LPL: variants seen among roughly 807,000 people sequenced by gnomAD.
LPL encodes the protein lipoprotein lipase.
LPL carries 43 observed loss-of-function variants against 52.2 expected under a neutral mutation model. That is an observed-to-expected ratio of 0.82 (90% CI 0.64 to 1.06). The LOEUF (loss-of-function observed/expected upper bound fraction) is 1.06, where lower values mean the gene tolerates loss of function less well. Ranked by LOEUF, LPL falls within the 50% of genes least tolerant of loss-of-function variation. The pLI is 0.00. For missense variants in LPL, 639 were observed against 585.3 expected (o/e 1.09, Z -0.95); for synonymous variants, 244 against 215.6 (o/e 1.13, Z -1.15).
intron 9 of LPL, among the ~76,000 whole-genome samples, chr8:19,964,591 G>A (rs561323673): frequency 5.3e-5 from 8 of 152,082 alleles, no homozygotes; most frequent in East Asian, 1.9e-4. Flanking sequence ...ATGTGGTGGC[G>A]TGATCTCGGC....
Position 19,967,056 on chromosome 8 carries a change from G to A in LPL, c.*1746G>A, listed in dbSNP as rs924060254. ...ATACATGTGTGGATGTGTAAATGGA[G>A]CTTGTACATATTGGAAAGGTCATTG... On this transcript the variant is annotated 3_prime_UTR_variant, in exon 10 of 10. Transcript: ENST00000650287. 1.3e-5 allele frequency: 2 copies of A among 152,594 alleles called. No homozygotes were observed. Among genetic ancestry groups the A allele is most frequent in the Admixed American group, 1.3e-4 (2 of 15,278 alleles). 9.5% of individuals were successfully genotyped at this position (152,594 alleles called of 1,614,324 possible). A position where few individuals can be genotyped will look rare whatever the true frequency, so the allele number is the denominator to read the frequency against.
At chr8:19,940,222 C>T (rs924902169) in intron 1 of LPL, among the ~76,000 whole-genome samples, 2 of 152,352 alleles carry the variant, frequency 1.3e-5, no homozygotes, top group South Asian at 2.1e-4. Flanking sequence ...GCTCGCATGC[C>T]CCTCTTTTCT....
At position 19,939,273 on chromosome 8, in the gene LPL, TTCC is replaced by T. The variant is rs1028935900; in HGVS notation, c.-159_-157del. ...ACAGTGTCAGACTCGATTCCCCCTC[TTCC>T]TCCTCCTCAAGGGAAAGCTGCCCAC... is the stretch of plus-strand genomic sequence containing the variant. On this transcript the variant is annotated 5_prime_UTR_variant, in exon 1 of 10. Transcript: ENST00000650287. The surrounding 1 kb of genome is among the most constrained non-coding windows in gnomAD (Gnocchi z 4.0). 3 of 627,538 alleles carry T rather than the reference TTCC, an allele frequency of 4.8e-6. No homozygotes were observed. Among genetic ancestry groups the T allele is most frequent in the Admixed American group, 2.6e-5 (1 of 38,276 alleles). 38.9% of individuals were successfully genotyped at this position (627,538 alleles called of 1,614,324 possible).
chr8:19,944,526 C>T lies in LPL; in HGVS notation c.89-3654C>T, dbSNP rs1590137129. ...AAGAGAATTGCATTCTCATTGAGTT[C>T]TTGTACCTCATGTCATTGCATAAAT... On this transcript the variant is annotated intron_variant, in intron 1 of 9. Coordinates refer to ENST00000650287, the MANE Select transcript of LPL (RefSeq NM_000237.3). This position sits in a 1 kb window ranked among gnomAD's most constrained non-coding sequence, Gnocchi z 4.2. Among the ~76,000 whole-genome samples the T allele has an allele frequency of 6.6e-6, 1 of 152,122 alleles. No individual in the cohort carries two copies. The highest frequency in any genetic ancestry group is 6.5e-5 in the Admixed American group (1 of 15,280).
At position 19,944,748 on chromosome 8, in the gene LPL, C is replaced by A. The variant is rs890083122; in HGVS notation, c.89-3432C>A. Among the ~76,000 whole-genome samples, 2 of 152,126 alleles carry A rather than the reference C, an allele frequency of 1.3e-5. No homozygotes were observed. Among genetic ancestry groups the A allele is most frequent in the African/African-American group, 2.4e-5 (1 of 41,414 alleles). On this transcript the variant is annotated intron_variant, in intron 1 of 9. Coordinates refer to ENST00000650287, the MANE Select transcript of LPL (RefSeq NM_000237.3). This position sits in a 1 kb window ranked among gnomAD's most constrained non-coding sequence, Gnocchi z 4.2. Reference sequence around the variant, plus strand: ...GTTATTATCTATGTTAGAATAAATTCTTTGTCTTTGTTTACACACTCAGAT... The same window carrying A: ...GTTATTATCTATGTTAGAATAAATTATTTGTCTTTGTTTACACACTCAGAT...
In LPL at chr8:19,956,037, A is replaced by C. The variant is rs2069982466; in HGVS notation, c.972A>C (p.Arg324Ser). 5 of 1,614,202 alleles carry C rather than the reference A, an allele frequency of 3.1e-6. No individual in the cohort carries two copies. The highest frequency in any genetic ancestry group is 4.2e-6 in the Non-Finnish European group (5 of 1,180,026). Residue 324 changes from arginine (R) to serine (S), a missense_variant, in exon 6 of 10, where the codon AGA (arginine) becomes AGC (serine). Arg to Ser is a moderately radical substitution (Grantham distance 110). Transcript: ENST00000650287. Reference sequence around the variant, plus strand: ...AGATCAATAAAGTCAGAGCCAAAAGAAGCAGCAAAATGTACCTGAAGACTC... The same window carrying C: ...AGATCAATAAAGTCAGAGCCAAAAGCAGCAGCAAAATGTACCTGAAGACTC... The part of the protein sequence containing the change: ...GYEINKVRAK[R>S]SSKMYLKTRS...
chr8:19,945,910 G>A (rs1013307762), intron 1 of LPL, among the ~76,000 whole-genome samples: 5 of 152,224 alleles, frequency 3.3e-5, no homozygotes, highest in Non-Finnish European at 7.3e-5. Flanking sequence ...CTGTGGAGAG[G>A]AGGTATGAGC....
rs1563571409 is a variant in LPL, at chr8:19,950,568, G to C, written c.250-1201G>C. ...TGATCCCAGCACTCTGGGAGGCCAA[G>C]GCAGGCAGATCACTGGAGGTCAGGA... On this transcript the variant is annotated intron_variant, in intron 2 of 9. Coordinates refer to ENST00000650287, the MANE Select transcript of LPL (RefSeq NM_000237.3). The surrounding 1 kb of genome is among the most constrained non-coding windows in gnomAD (Gnocchi z 4.2). Among the ~76,000 whole-genome samples the C allele has an allele frequency of 2.0e-5, 3 of 152,322 alleles. No individual in the cohort carries two copies. In the South Asian group the frequency reaches 6.2e-4, roughly 32 times the overall value.
At chr8:19,956,690 T>G (rs1407740158) in intron 6 of LPL, among the ~76,000 whole-genome samples, 1 of 152,128 alleles carries the variant, frequency 6.6e-6, no homozygotes, top group African/African-American at 2.4e-5. Flanking sequence ...CCACACACAT[T>G]CATTACCATA....
chr8:19,940,733 T>G (rs2128835445), intron 1 of LPL, among the ~76,000 whole-genome samples: 1 of 152,356 alleles, frequency 6.6e-6, no homozygotes, highest in East Asian at 1.9e-4. Context: ...TCCATAGCTT[T>G]GATGGCCGCT....
At chr8:19,940,463 G>T (rs2128835397) in intron 1 of LPL, among the ~76,000 whole-genome samples, 1 of 152,316 alleles carries the variant, frequency 6.6e-6, no homozygotes, top group South Asian at 2.1e-4. Flanking sequence ...CCGCCGCCAG[G>T]GAACCGCCCG....
chr8:19,959,260 T>C lies in LPL; in HGVS notation c.1019T>C (p.Val340Ala), dbSNP rs756051524. 4 of 1,614,156 alleles carry C rather than the reference T, an allele frequency of 2.5e-6. No homozygotes were observed. Among genetic ancestry groups the C allele is most frequent in the African/African-American group, 1.3e-5 (1 of 75,044 alleles). ...LKTRSQMPYKVFHYQVKIHFS... is the reference protein window; with the variant it reads ...LKTRSQMPYKAFHYQVKIHFS... ...CATGTTCGAATTTCCTCCCCAACAGTCTTCCATTACCAAGTAAAGATTCAT... is the reference window on the plus strand; with the variant it reads ...CATGTTCGAATTTCCTCCCCAACAGCCTTCCATTACCAAGTAAAGATTCAT... The change falls in exon 7 of 10, where the codon GTC becomes GCC. Residue 340 changes from valine (V) to alanine (A), a missense_variant and splice_region_variant. By Grantham distance (64) the Val-to-Ala change is moderately conservative. Coordinates refer to ENST00000650287, the MANE Select transcript of LPL (RefSeq NM_000237.3).
At chr8:19,954,033 A>G in intron 4 of LPL, 87 bp from the exon 5 acceptor site, 1 of 889,912 alleles carries the variant, frequency 1.1e-6, no homozygotes, top group South Asian at 1.3e-5. Flanking sequence ...AATAGCTGCC[A>G]GTGCATTCAA....
chr8:19,948,173 T>G lies in LPL; in HGVS notation c.89-7T>G, dbSNP rs373040704. 6 of 1,614,098 alleles carry G rather than the reference T, an allele frequency of 3.7e-6. No homozygotes were observed. The highest frequency in any genetic ancestry group is 5.1e-6 in the Non-Finnish European group (6 of 1,179,940). Reference sequence around the variant, plus strand: ...AGTTAACCTCATATCCAATTTTTCCTTTCCAGAAAGAAGAGATTTTATCGA... The same window carrying G: ...AGTTAACCTCATATCCAATTTTTCCGTTCCAGAAAGAAGAGATTTTATCGA... On this transcript the variant is annotated splice_polypyrimidine_tract_variant and splice_region_variant and intron_variant, in intron 1 of 9. Coordinates refer to ENST00000650287, the MANE Select transcript of LPL (RefSeq NM_000237.3).
chr8:19,966,440 C>A lies in LPL; in HGVS notation c.*1130C>A, dbSNP rs527862302. ...CGCGTGCAATGAGCCAGATGGAGTA[C>A]CATGAGGGTTGCTATTTGTTGTTTT... On this transcript the variant is annotated 3_prime_UTR_variant, in exon 10 of 10. Coordinates refer to ENST00000650287, the MANE Select transcript of LPL (RefSeq NM_000237.3). 3.3e-5 allele frequency: 5 copies of A among 152,102 alleles called. No individual in the cohort carries two copies. Among genetic ancestry groups the A allele is most frequent in the Non-Finnish European group, 7.3e-5 (5 of 68,030 alleles). The allele number at this position is 152,102 out of a possible 1,614,324, so 9.4% of individuals were successfully genotyped here.
chr8:19,955,728 T>G (rs2069978311), intron 5 of LPL, 113 bp from the exon 6 acceptor site: 1 of 1,361,530 alleles, frequency 7.3e-7, no homozygotes, highest in Non-Finnish European at 1.0e-6. Flanking sequence ...CAGGACTATA[T>G]CCTTGGGTGA....
chr8:19,951,347 C>A (rs907871725), intron 2 of LPL, among the ~76,000 whole-genome samples: 2 of 152,184 alleles, frequency 1.3e-5, no homozygotes, highest in Non-Finnish European at 2.9e-5. Context: ...CCCAACACCC[C>A]AACCTTGAAG....
chr8:19,961,186 A>G (rs2070035472), intron 8 of LPL, 103 bp downstream of exon 8: 1 of 961,852 alleles, frequency 1.0e-6, no homozygotes, highest in Non-Finnish European at 1.6e-6. Flanking sequence ...GAGCTTTAGG[A>G]AACCTTGTAT....
chr8:19,965,599 G>A lies in LPL; in HGVS notation c.*289G>A. The A allele has an allele frequency of 2.5e-6, 1 of 398,088 alleles. No homozygotes were observed. Among genetic ancestry groups the A allele is most frequent in the Non-Finnish European group, 4.5e-6 (1 of 221,072 alleles). 24.7% of individuals were successfully genotyped at this position (398,088 alleles called of 1,614,324 possible). On this transcript the variant is annotated 3_prime_UTR_variant, in exon 10 of 10. Transcript: ENST00000650287. ...TTTGTCCTTTGAGAAAGAAATAATT[G>A]TTTGAGCGCAGAGTAAAATAAGGCT...
Sources: gnomAD v4.1 joint callset for allele counts (sites outside exome capture counted in the v4.1 genomes callset) on GRCh38, gnomAD v4.1.1 for gene constraint, Gnocchi (gnomAD v3.1) non-coding constraint, MANE v1.5 for transcripts, NCBI Gene and HGNC (gene_info 2026-07-23, HGNC 2026-07-21) for gene names.